The following ZC3H12D variants were observed in gnomAD, a reference collection of about 807,000 sequenced individuals.
ZC3H12D encodes probable ribonuclease ZC3H12D.
In ZC3H12D, 11 loss-of-function variants were observed where a neutral mutation model predicts 24.2. The ratio of observed to expected loss-of-function variants is 0.46; its 90% confidence interval spans 0.29 to 0.75. The LOEUF (loss-of-function observed/expected upper bound fraction) is 0.75. Among genes scored for constraint, ZC3H12D ranks in the 30% least tolerant of loss-of-function variants. ZC3H12D has a pLI of 0.11. For synonymous variants in ZC3H12D, 333 were observed against 341.8 expected (o/e 0.97, Z 0.28); for missense variants, 740 against 767.7 (o/e 0.96, Z 0.43).
chr6:149,451,521 G>C, intron 5 of ZC3H12D, 42 bp from the exon 6 acceptor site: 1 of 1,477,392 alleles, frequency 6.8e-7, no homozygotes, highest in South Asian at 1.3e-5. Context: ...GTGAGGCCCG[G>C]GGGCGCGGAG....
intron 2 of ZC3H12D, among the ~76,000 whole-genome samples, chr6:149,470,553 T>TA (rs1776228543): frequency 6.6e-6 from 1 of 151,346 alleles, no homozygotes; most frequent in Non-Finnish European, 1.5e-5. Flanking sequence ...AAAATAAAAA[T>TA]AAAATGTATA....
intron 3 of ZC3H12D, among the ~76,000 whole-genome samples, chr6:149,458,111 C>CTTTTTTTTTTTTTTTTTT (rs57317596): frequency 2.5e-5 from 2 of 80,240 alleles, no homozygotes; most frequent in Non-Finnish European, 4.7e-5. Context: ...CTTTCTTTTT[C>CTTTTTTTTTTTTTTTTTT]TTTTTTTTTT....
chr6:149,465,756 A>T (rs1386064780), intron 2 of ZC3H12D, among the ~76,000 whole-genome samples: 1 of 110,816 alleles, frequency 9.0e-6, no homozygotes, highest in East Asian at 2.0e-4. Context: ...CGCCATCTCA[A>T]AAAAAAAAAA....
In ZC3H12D at chr6:149,450,611, G is replaced by A. The variant is rs1775872615; in HGVS notation, c.*72C>T. The A allele has an allele frequency of 7.1e-7, 1 of 1,401,182 alleles. No individual in the cohort carries two copies. The highest frequency in any genetic ancestry group is 2.5e-5 in the Admixed American group (1 of 39,454). The allele number at this position is 1,401,182 out of a possible 1,614,324, so 86.8% of individuals were successfully genotyped here. On this transcript the variant is annotated 3_prime_UTR_variant, in exon 6 of 6. Transcript: ENST00000409806. ...TGATGGGCCCACTCAGGTCCAGGCT[G>A]GCAACCACAGGTCCACCCGTCCAAG...
intron 3 of ZC3H12D, among the ~76,000 whole-genome samples, chr6:149,461,310 C>T (rs1305396531): frequency 6.7e-6 from 1 of 148,562 alleles, no homozygotes; most frequent in Non-Finnish European, 1.5e-5. Flanking sequence ...CACTGCACTC[C>T]AGCTTGGCGA....
chr6:149,481,994 C>G (rs1776433098), intron 1 of ZC3H12D, among the ~76,000 whole-genome samples: 1 of 152,238 alleles, frequency 6.6e-6, no homozygotes, highest in South Asian at 2.1e-4. Flanking sequence ...AATGAAAACA[C>G]TGGGGGCTTT....
intron 4 of ZC3H12D, among the ~76,000 whole-genome samples, chr6:149,454,081 G>A (rs370887506): frequency 1.2e-4 from 19 of 152,276 alleles, no homozygotes; most frequent in South Asian, 1.2e-3. Flanking sequence ...CAGCCACCTC[G>A]CAGACTTAAC....
rs562632523 is a variant in ZC3H12D at position 149,451,482 on chromosome 6, G to A, written c.788-3C>T. On this transcript the variant is annotated splice_polypyrimidine_tract_variant and splice_region_variant and intron_variant, in intron 5 of 5. Transcript: ENST00000409806. ...GATGCCATAGGTGCATTTCTTGCCT[G>A]AAAGGGGCGGGGGCAGAGAGGGCGC... The A allele has an allele frequency of 5.6e-4, 883 of 1,564,840 alleles. 20 individuals are homozygous for A. In the South Asian group the frequency reaches 9.4e-3, roughly 17 times the overall value.
Position 149,477,285 on chromosome 6 carries a change from C to T in ZC3H12D, c.-70-2672G>A, listed in dbSNP as rs371439126. 3.2e-4 allele frequency among the ~76,000 whole-genome samples: 49 copies of T among 152,360 alleles called. No homozygotes were observed. The East Asian group carries it at 8.5e-3, about 26-fold the overall frequency. ...GGTGAAGGGCATTTCACAGCCAGCC[C>T]CCTGGACAGAGAGGCCTCTGCCACG... On this transcript the variant is annotated intron_variant, in intron 1 of 5. Coordinates refer to ENST00000409806, the MANE Select transcript of ZC3H12D (RefSeq NM_207360.3).
At position 149,456,637 on chromosome 6, in the gene ZC3H12D, C is replaced by CCCGGGGTG; in HGVS notation, c.680+28_680+29insCACCCCGG. 5.1e-6 allele frequency: 8 copies of CCCGGGGTG among 1,554,874 alleles called. No individual in the cohort carries two copies. The highest frequency in any genetic ancestry group is 1.1e-5 in the South Asian group (1 of 89,992). Reference sequence around the variant, plus strand: ...CCCGGCCCCCCGCCCCGCCGCCCCCCAGGGTGTCAGGACCCCAGCCGGACC... The same window carrying CCCGGGGTG: ...CCCGGCCCCCCGCCCCGCCGCCCCCCCCGGGGTGAGGGTGTCAGGACCCCAGCCGGACC... On this transcript the variant is annotated intron_variant, in intron 4 of 5. Transcript: ENST00000409806. The surrounding 1 kb of genome is among the most constrained non-coding windows in gnomAD (Gnocchi z 4.3).
rs1289126043 is a variant in ZC3H12D, at chr6:149,451,437, G to A, written c.830C>T (p.Pro277Leu). The change falls in exon 6 of 6, where the codon CCG becomes CTG. Residue 277 changes from proline to leucine, a missense_variant. By Grantham distance (98) the Pro-to-Leu change is moderately conservative (BLOSUM62 -3). Transcript: ENST00000409806. The stretch of plus-strand genomic sequence containing the variant: ...CAGTTGCGCGTGGTGCGGCCTCTCC[G>A]GGTGGTAGAACTTGCACTTGATGCC... The part of the protein sequence containing the change: ...TYGIKCKFYH[P>L]ERPHHAQLAV... The A allele has an allele frequency of 3.2e-6, 5 of 1,576,606 alleles. No homozygotes were observed. Among genetic ancestry groups the A allele is most frequent in the Non-Finnish European group, 4.3e-6 (5 of 1,170,994 alleles).
intron 2 of ZC3H12D, among the ~76,000 whole-genome samples, chr6:149,468,526 G>GCCCATTGCTCCC (rs1291750263): frequency 1.3e-5 from 2 of 152,226 alleles, no homozygotes; most frequent in Non-Finnish European, 2.9e-5. Flanking sequence ...CAGGAGGAAA[G>GCCCATTGCTCCC]AGAGGAGCAA....
chr6:149,472,035 A>G (rs773156451), intron 2 of ZC3H12D, among the ~76,000 whole-genome samples: 1 of 152,246 alleles, frequency 6.6e-6, no homozygotes, highest in Non-Finnish European at 1.5e-5. Context: ...GATAACAATG[A>G]GACACCACTT....
In ZC3H12D at chr6:149,451,029, G is replaced by C. The variant is rs749770350; in HGVS notation, c.1238C>G (p.Pro413Arg). The change falls in exon 6 of 6, where the codon CCG (proline) becomes CGG (arginine). Residue 413 changes from proline (P) to arginine (R), a missense_variant. Coordinates refer to ENST00000409806, the MANE Select transcript of ZC3H12D (RefSeq NM_207360.3). ...LPPPPGLQLQPRGEHRPRDLH... is the reference protein window; with the variant it reads ...LPPPPGLQLQRRGEHRPRDLH... ...GTCCCTAGGGCGGTGTTCGCCCCGC[G>C]GCTGGAGCTGCAGGCCGGGCGGAGG... is the stretch of plus-strand genomic sequence containing the variant. 6 of 1,441,168 alleles carry C rather than the reference G, an allele frequency of 4.2e-6. No individual in the cohort carries two copies. In the Admixed American group the frequency reaches 1.6e-4, roughly 39 times the overall value. The allele number at this position is 1,441,168 out of a possible 1,614,324, so 89.3% of individuals were successfully genotyped here. A position where few individuals can be genotyped will look rare whatever the true frequency, so the allele number is the denominator to read the frequency against.
chr6:149,455,766 G>T (rs1302138705), intron 4 of ZC3H12D, among the ~76,000 whole-genome samples: 1 of 152,130 alleles, frequency 6.6e-6, no homozygotes, highest in Non-Finnish European at 1.5e-5. Context: ...GCTGGGCTCA[G>T]TGGCTGACAC....
Position 149,456,623 on chromosome 6 carries a change from G to GGGGGAGGGCC in ZC3H12D, c.680+42_680+43insGGCCCTCCCC. 1.3e-6 allele frequency: 1 copy of GGGGGAGGGCC among 744,582 alleles called. No homozygotes were observed. The highest frequency in any genetic ancestry group is 2.2e-6 in the Non-Finnish European group (1 of 456,104). The allele number at this position is 744,582 out of a possible 1,614,324, so 46.1% of individuals were successfully genotyped here. On this transcript the variant is annotated intron_variant, in intron 4 of 5. Coordinates refer to ENST00000409806, the MANE Select transcript of ZC3H12D (RefSeq NM_207360.3). The surrounding 1 kb of genome is among the most constrained non-coding windows in gnomAD (Gnocchi z 4.3). ...GCCACTGCCTCGACCCCGGCCCCCCGCCCCGCCGCCCCCCAGGGTGTCAGG... is the reference window on the plus strand; with the variant it reads ...GCCACTGCCTCGACCCCGGCCCCCCGGGGGAGGGCCCCCCGCCGCCCCCCAGGGTGTCAGG...
intron 1 of ZC3H12D, among the ~76,000 whole-genome samples, chr6:149,475,856 A>T (rs886074332): frequency 2.4e-4 from 37 of 152,210 alleles, no homozygotes; most frequent in African/African-American, 8.0e-4. Flanking sequence ...GATGAAACCA[A>T]CAGGAACACT....
intron 3 of ZC3H12D, among the ~76,000 whole-genome samples, chr6:149,460,563 G>A (rs977512290): frequency 3.7e-4 from 57 of 152,206 alleles, no homozygotes; most frequent in Middle Eastern, 3.4e-3. Flanking sequence ...GGCAGGGTGC[G>A]GTGGCTCACA....
At chr6:149,478,558 A>G (rs570895165) in intron 1 of ZC3H12D, among the ~76,000 whole-genome samples, 8 of 152,346 alleles carry the variant, frequency 5.3e-5, no homozygotes, top group African/African-American at 1.9e-4. Flanking sequence ...ACATAAACAA[A>G]GCCTCTTTAA....
Sources: gnomAD v4.1 joint callset for allele counts (sites outside exome capture counted in the v4.1 genomes callset) on GRCh38, gnomAD v4.1.1 for gene constraint, Gnocchi (gnomAD v3.1) non-coding constraint, MANE v1.5 for transcripts, NCBI Gene and HGNC (gene_info 2026-07-23, HGNC 2026-07-21) for gene names.